Variants in NMBR observed in about 807,000 individuals in gnomAD.
NMBR encodes the protein neuromedin-B receptor.
Under a neutral mutation model 20.5 loss-of-function variants are expected in NMBR, and 16 were observed. The ratio of observed to expected loss-of-function variants is 0.78; its 90% CI spans 0.53 to 1.19. The LOEUF is 1.19. NMBR is among the 50% of genes most tolerant of loss of function. The pLI is 0.00. For synonymous variants in NMBR, 212 were observed against 196.6 expected (o/e 1.08, Z -0.65); for missense variants, 582 against 499.1 (o/e 1.17, Z -1.58).
At chr6:142,092,093 T>G (rs1772953736) in intron 1 of NMBR, among the ~76,000 whole-genome samples, 1 of 152,110 alleles carries the variant, frequency 6.6e-6, no homozygotes, top group Non-Finnish European at 1.5e-5. Context: ...TCATTGTTAT[T>G]TAACACACTG....
intron 3 of NMBR, among the ~76,000 whole-genome samples, chr6:142,077,165 A>C (rs1197683129): frequency 6.6e-6 from 1 of 152,218 alleles, no homozygotes; most frequent in African/African-American, 2.4e-5. Flanking sequence ...ATGTCACAGC[A>C]GTCTATACTT....
At chr6:142,136,498 A>G (rs1403920608) in intron 1 of NMBR, among the ~76,000 whole-genome samples, 2 of 152,190 alleles carry the variant, frequency 1.3e-5, no homozygotes, top group African/African-American at 4.8e-5. Context: ...TCTTTAGTTT[A>G]ATTAGATCCC....
chr6:142,134,059 A>T (rs759681564), intron 1 of NMBR: 24 of 653,968 alleles, frequency 3.7e-5, no homozygotes, highest in Non-Finnish European at 5.7e-6. Flanking sequence ...GCACATAAAC[A>T]TTAACTCTAC....
chr6:142,088,251 G>A lies in NMBR; in HGVS notation c.408C>T (p.Ala136=), dbSNP rs1367308708. Residue 136 remains alanine (A), a synonymous_variant, in exon 2 of 4, where the codon GCC becomes GCT. Transcript: ENST00000258042. ...SVGVSVFTLT[A]LSADRYRAIV... The stretch of plus-strand genomic sequence containing the variant: ...TGTGCTCTTACCTGTCGGCGCTGAG[G>A]GCAGTGAGAGTGAACACGGAAACCC... The A allele has an allele frequency of 1.2e-6, 2 of 1,612,016 alleles. No homozygotes were observed. The highest frequency in any genetic ancestry group is 4.5e-5 in the East Asian group (2 of 44,858).
At chr6:142,132,833 G>C (rs1175431553) in intron 1 of NMBR, among the ~76,000 whole-genome samples, 2 of 152,062 alleles carry the variant, frequency 1.3e-5, no homozygotes, top group Non-Finnish European at 2.9e-5. Flanking sequence ...GAACCTTTGT[G>C]GGGGTGGCCT....
At chr6:142,125,057 C>T (rs1317425797) in intron 1 of NMBR, among the ~76,000 whole-genome samples, 2 of 151,728 alleles carry the variant, frequency 1.3e-5, no homozygotes, top group Admixed American at 6.6e-5. Flanking sequence ...TTAATTTTGG[C>T]AGGTCAGAGA....
intron 1 of NMBR, chr6:142,133,870 T>C (rs1299256336): frequency 2.9e-6 from 2 of 697,246 alleles, no homozygotes; most frequent in Non-Finnish European, 5.3e-6. Flanking sequence ...CAACTGTGAT[T>C]GGTCAATTCC....
intron 1 of NMBR, among the ~76,000 whole-genome samples, chr6:142,105,680 G>A (rs1396368498): frequency 6.6e-6 from 1 of 152,008 alleles, no homozygotes; most frequent in African/African-American, 2.4e-5. Flanking sequence ...TCTGTATACA[G>A]AATTGTTTCT....
Position 142,105,663 on chromosome 6 carries a change from T to C in NMBR, c.-663-16342A>G, listed in dbSNP as rs188964473. Among the ~76,000 whole-genome samples the C allele has an allele frequency of 1.5e-4, 23 of 152,308 alleles. No individual in the cohort carries two copies. The East Asian group carries it at 4.2e-3, about 28-fold the overall frequency. On this transcript the variant is annotated intron_variant, in intron 1 of 3. Coordinates refer to ENST00000258042, the MANE Select transcript of NMBR (RefSeq NM_002511.4). ...GCACATTTTTGTTTATACTTTTGTT[T>C]ATATGTTCTGTATACAGAATTGTTT...
chr6:142,103,205 G>T (rs1478508211), intron 1 of NMBR, among the ~76,000 whole-genome samples: 10 of 152,102 alleles, frequency 6.6e-5, no homozygotes, highest in Admixed American at 6.6e-4. Flanking sequence ...ATTATGAAAG[G>T]GTTGATTGTC....
At chr6:142,111,266 T>C (rs1465425147) in intron 1 of NMBR, among the ~76,000 whole-genome samples, 1 of 150,940 alleles carries the variant, frequency 6.6e-6, no homozygotes, top group Non-Finnish European at 1.5e-5. Context: ...ATACCCAATG[T>C]CTTACACACT....
intron 1 of NMBR, among the ~76,000 whole-genome samples, chr6:142,137,372 T>C (rs1425106902): frequency 1.3e-5 from 2 of 152,322 alleles, no homozygotes; most frequent in Non-Finnish European, 1.5e-5. Flanking sequence ...CTGAAGTTGC[T>C]TATCAGCTTA....
intron 1 of NMBR, among the ~76,000 whole-genome samples, chr6:142,093,476 A>G (rs2114572245): frequency 6.6e-6 from 1 of 152,064 alleles, no homozygotes; most frequent in South Asian, 2.1e-4. Context: ...TACAAAGGAC[A>G]GGAACTCATC....
At chr6:142,115,703 C>T (rs1173650456) in intron 1 of NMBR, among the ~76,000 whole-genome samples, 1 of 151,946 alleles carries the variant, frequency 6.6e-6, no homozygotes, top group African/African-American at 2.4e-5. Context: ...TCTTTCTTCC[C>T]GTGAACAATA....
chr6:142,108,957 A>T (rs1221437139), intron 1 of NMBR, among the ~76,000 whole-genome samples: 1 of 152,192 alleles, frequency 6.6e-6, no homozygotes, highest in Non-Finnish European at 1.5e-5. Flanking sequence ...GCATTGGATA[A>T]ACACACTCAC....
At chr6:142,117,126 C>G (rs1190691619) in intron 1 of NMBR, among the ~76,000 whole-genome samples, 1 of 151,644 alleles carries the variant, frequency 6.6e-6, no homozygotes. Context: ...TGAAGGTCAC[C>G]AAGACATTTA....
intron 1 of NMBR, among the ~76,000 whole-genome samples, chr6:142,122,191 G>A (rs1299461157): frequency 1.3e-5 from 2 of 151,926 alleles, no homozygotes; most frequent in Non-Finnish European, 2.9e-5. Flanking sequence ...GAGCAGCTGA[G>A]TTTGTATTCG....
chr6:142,100,021 A>T (rs1438113644), intron 1 of NMBR, among the ~76,000 whole-genome samples: 1 of 152,212 alleles, frequency 6.6e-6, no homozygotes, highest in Non-Finnish European at 1.5e-5. Context: ...ACCCCTATAC[A>T]TTTATTAAAA....
intron 1 of NMBR, chr6:142,133,050 T>C: frequency 2.0e-6 from 1 of 509,800 alleles, no homozygotes; most frequent in Non-Finnish European, 3.5e-6. Context: ...GAGTGTTTTC[T>C]GCTGTAAGAG....
Sources: allele counts gnomAD v4.1 joint callset (sites outside exome capture counted in the v4.1 genomes callset), GRCh38; gene constraint gnomAD v4.1.1; transcripts MANE v1.5; gene names NCBI Gene and HGNC (gene_info 2026-07-23, HGNC 2026-07-21).